Variants in LINC00305 observed in about 807,000 individuals in gnomAD.
The protein encoded by LINC00305 is long intergenic non-protein coding RNA 305.
chr18:64,095,562 A>G (rs1362531687), intron 3 of LINC00305, among the ~76,000 whole-genome samples: 1 of 152,222 alleles, frequency 6.6e-6, no homozygotes, highest in Non-Finnish European at 1.5e-5. Context: ...GGAATCTAAA[A>G]GAAGTGAAAT....
At chr18:64,138,351 A>G (rs1352194833) in intron 1 of LINC00305, among the ~76,000 whole-genome samples, 5 of 152,236 alleles carry the variant, frequency 3.3e-5, no homozygotes, top group African/African-American at 1.2e-4. Context: ...TCACCAAAGA[A>G]TAATATTGTC....
At chr18:64,093,264 C>T (rs868587517) in intron 3 of LINC00305, among the ~76,000 whole-genome samples, 1 of 152,212 alleles carries the variant, frequency 6.6e-6, no homozygotes, top group Non-Finnish European at 1.5e-5. Context: ...CATGAATATA[C>T]CTGACAGCCA....
chr18:64,081,283 CT>C (rs1431406055), intron 3 of LINC00305, among the ~76,000 whole-genome samples: 3 of 152,220 alleles, frequency 2.0e-5, no homozygotes, highest in Non-Finnish European at 2.9e-5. Context: ...CACAAGTAAT[CT>C]CTTTAGATAG....
At chr18:64,120,477 G>A (rs76578992) in intron 1 of LINC00305, among the ~76,000 whole-genome samples, 320 of 151,976 alleles carry the variant, frequency 2.1e-3, no homozygotes, top group Non-Finnish European at 3.7e-3. Context: ...TAGTTTTATA[G>A]CGTTTAGAGA....
chr18:64,101,814 C>G (rs1005221230), intron 1 of LINC00305, among the ~76,000 whole-genome samples: 1 of 152,136 alleles, frequency 6.6e-6, no homozygotes, highest in Non-Finnish European at 1.5e-5. Flanking sequence ...ATCAGTTACT[C>G]AAATGGAAAT....
chr18:64,125,339 A>C (rs972700305), intron 1 of LINC00305, among the ~76,000 whole-genome samples: 4 of 151,816 alleles, frequency 2.6e-5, no homozygotes, highest in African/African-American at 9.7e-5. Context: ...TTTTCCCCTC[A>C]TCTTAATTTC....
chr18:64,104,301 C>A (rs1246316580), intron 1 of LINC00305: 2 of 152,222 alleles, frequency 1.3e-5, no homozygotes, highest in Non-Finnish European at 2.9e-5. Context: ...CTGAAGTCTG[C>A]ATCTTCTCCG....
At chr18:64,143,163 G>A (rs542427108) in intron 1 of LINC00305, among the ~76,000 whole-genome samples, 1 of 152,192 alleles carries the variant, frequency 6.6e-6, no homozygotes, top group East Asian at 1.9e-4. Context: ...CTGGCCTTGG[G>A]TTATGTGGTT....
At chr18:64,087,578 T>C (rs1199445759) in intron 3 of LINC00305, among the ~76,000 whole-genome samples, 1 of 152,200 alleles carries the variant, frequency 6.6e-6, no homozygotes, top group Non-Finnish European at 1.5e-5. Flanking sequence ...ATTTTTGAAA[T>C]ATATTTTAAA....
At chr18:64,085,798 CT>C (rs1440592030) in intron 3 of LINC00305, among the ~76,000 whole-genome samples, 1 of 152,158 alleles carries the variant, frequency 6.6e-6, no homozygotes, top group Non-Finnish European at 1.5e-5. Context: ...AGCATGCAGG[CT>C]CATAAAAGAA....
At chr18:64,084,308 A>T (rs1196620104) in intron 3 of LINC00305, among the ~76,000 whole-genome samples, 1 of 152,184 alleles carries the variant, frequency 6.6e-6, no homozygotes, top group Non-Finnish European at 1.5e-5. Context: ...CCAATTCATT[A>T]AGCTGTATGC....
intron 1 of LINC00305, among the ~76,000 whole-genome samples, chr18:64,134,573 C>A (rs2051424032): frequency 6.6e-6 from 1 of 152,094 alleles, no homozygotes; most frequent in African/African-American, 2.4e-5. Flanking sequence ...TGAAATGACT[C>A]ATCATTATTT....
intron 1 of LINC00305, among the ~76,000 whole-genome samples, chr18:64,122,808 C>A (rs1426099296): frequency 6.6e-6 from 1 of 152,056 alleles, no homozygotes; most frequent in Non-Finnish European, 1.5e-5. Flanking sequence ...AATATTAATT[C>A]TTCCAATCCA....
chr18:64,133,916 C>T (rs779685510), intron 1 of LINC00305, among the ~76,000 whole-genome samples: 2 of 152,036 alleles, frequency 1.3e-5, no homozygotes, highest in Non-Finnish European at 2.9e-5. Context: ...TAGAACTTTA[C>T]CCTAGATGAA....
intron 3 of LINC00305, among the ~76,000 whole-genome samples, chr18:64,082,888 T>C (rs2144890297): frequency 6.6e-6 from 1 of 152,300 alleles, no homozygotes; most frequent in Non-Finnish European, 1.5e-5. Flanking sequence ...TTTCTTCTTT[T>C]AAAATTCTTG....
chr18:64,129,612 T>A (rs1055965998), intron 1 of LINC00305, among the ~76,000 whole-genome samples: 2 of 152,298 alleles, frequency 1.3e-5, no homozygotes, highest in African/African-American at 4.8e-5. Flanking sequence ...TGTCCATGTT[T>A]CCTATTCAGG....
At chr18:64,085,820 C>T (rs1944274) in intron 3 of LINC00305, among the ~76,000 whole-genome samples, 40 of 152,170 alleles carry the variant, frequency 2.6e-4, no homozygotes, top group African/African-American at 9.4e-4. Flanking sequence ...GACATGGGGA[C>T]AACTCTAGCT....
At chr18:64,133,006 G>A (rs563197449) in intron 1 of LINC00305, among the ~76,000 whole-genome samples, 112 of 152,336 alleles carry the variant, frequency 7.4e-4, no homozygotes, top group South Asian at 6.8e-3. Context: ...CAGGGGAACA[G>A]CTGGGACTTC....
At chr18:64,083,353 A>G (rs894041382) in intron 3 of LINC00305, among the ~76,000 whole-genome samples, 4 of 152,064 alleles carry the variant, frequency 2.6e-5, no homozygotes, top group Non-Finnish European at 5.9e-5. Flanking sequence ...CATTGTTCCC[A>G]CTGACTATAA....
Sources: allele counts gnomAD v4.1 joint callset (sites outside exome capture counted in the v4.1 genomes callset), GRCh38; gene constraint gnomAD v4.1.1; transcripts MANE v1.5; gene names NCBI Gene and HGNC (gene_info 2026-07-23, HGNC 2026-07-21).